CDK15: variants seen among roughly 807,000 people sequenced by gnomAD.
The protein encoded by CDK15 is cyclin dependent kinase 15, also known as cyclin-dependent kinase 15.
In CDK15, 62 loss-of-function variants were observed where a neutral mutation model predicts 60.3. That is an observed-to-expected ratio of 1.03 (90% CI 0.84 to 1.27). The LOEUF (loss-of-function observed/expected upper bound fraction) is 1.27. Ranked by LOEUF, CDK15 falls within the 50% of genes most tolerant of loss-of-function variation. CDK15 has a pLI of 0.00. For missense variants in CDK15, 541 were observed against 527.8 expected (o/e 1.03, Z -0.25); for synonymous variants, 194 against 195.7 (o/e 0.99, Z 0.07).
chr2:201,838,237 TG>T (rs1697212871), intron 8 of CDK15, among the ~76,000 whole-genome samples: 7 of 151,514 alleles, frequency 4.6e-5, no homozygotes, highest in Admixed American at 4.6e-4. Context: ...AAACATTTTT[TG>T]TTTTCACAGC....
chr2:201,824,219 T>C (rs1208195362), intron 6 of CDK15, among the ~76,000 whole-genome samples: 2 of 152,226 alleles, frequency 1.3e-5, no homozygotes, highest in Non-Finnish European at 2.9e-5. Flanking sequence ...TAATTCTACA[T>C]CTGTTATAAA....
At chr2:201,890,248 C>T (rs528754027) in intron 12 of CDK15, among the ~76,000 whole-genome samples, 2 of 152,278 alleles carry the variant, frequency 1.3e-5, no homozygotes, top group South Asian at 4.1e-4. Flanking sequence ...CTTTATCTCC[C>T]AGTCTGTCTT....
intron 12 of CDK15, among the ~76,000 whole-genome samples, chr2:201,890,061 A>G (rs1182443032): frequency 1.3e-5 from 2 of 151,966 alleles, no homozygotes; most frequent in Non-Finnish European, 2.9e-5. Context: ...AAAAAGAAAA[A>G]AAAAAAAAAA....
rs141913758 is a variant in CDK15 at position 201,887,216 on chromosome 2, A to T, written c.1199-3569A>T. On this transcript the variant is annotated intron_variant, in intron 12 of 13. Transcript: ENST00000652192. ...ATCATTAATAGAATTGTGTGATATT[A>T]TGAAAGTTCTTATGCTGTAACATGA... Among the ~76,000 whole-genome samples the T allele has an allele frequency of 3.0e-4, 45 of 152,366 alleles. 1 individual carries two copies. In the East Asian group the frequency reaches 8.7e-3, roughly 29 times the overall value.
At chr2:201,871,490 A>G (rs112787829) in intron 10 of CDK15, among the ~76,000 whole-genome samples, 6 of 151,804 alleles carry the variant, frequency 4.0e-5, no homozygotes, top group African/African-American at 1.2e-4. Flanking sequence ...TGAGTCTTTA[A>G]GACTGCCTCA....
chr2:201,852,960 G>A (rs1193163368), intron 9 of CDK15, among the ~76,000 whole-genome samples: 4 of 152,126 alleles, frequency 2.6e-5, no homozygotes, highest in Admixed American at 2.6e-4. Context: ...TCACCTTAGA[G>A]AAAACATGAT....
Position 201,894,113 on chromosome 2 carries a change from A to ACACACACC in CDK15, c.*847_*848insACACACCC, listed in dbSNP as rs1491380631. The ACACACACC allele has an allele frequency of 1.2e-4, 16 of 128,656 alleles. No individual in the cohort carries two copies. Among genetic ancestry groups the ACACACACC allele is most frequent in the African/African-American group, 3.3e-4 (12 of 35,864 alleles). The allele number at this position is 128,656 out of a possible 1,614,324, so 8.0% of individuals were successfully genotyped here. ...CACACACACACACACACACACACAC[A>ACACACACC]CCCCTCAAGTAAAATGAGAGATCTG... On this transcript the variant is annotated 3_prime_UTR_variant, in exon 14 of 14. Transcript: ENST00000652192.
chr2:201,847,539 C>G, intron 9 of CDK15, 65 bp downstream of exon 9: 5 of 1,405,858 alleles, frequency 3.6e-6, no homozygotes, highest in Non-Finnish European at 4.0e-6. Context: ...CCAAATTTGC[C>G]TTACAGACAA....
chr2:201,811,530 G>A (rs1695769905), intron 3 of CDK15, among the ~76,000 whole-genome samples: 1 of 152,172 alleles, frequency 6.6e-6, no homozygotes, highest in African/African-American at 2.4e-5. Flanking sequence ...AGGAAAAAAG[G>A]TTACTAACAA....
At chr2:201,867,554 G>A (rs1180302296) in intron 10 of CDK15, among the ~76,000 whole-genome samples, 3 of 150,478 alleles carry the variant, frequency 2.0e-5, no homozygotes, top group South Asian at 4.2e-4. Flanking sequence ...GAGACCGGGA[G>A]GTCAAGGATG....
intron 11 of CDK15, 50 bp from the exon 12 acceptor site, chr2:201,879,978 C>T (rs1345123359): frequency 1.4e-5 from 23 of 1,591,364 alleles, no homozygotes; most frequent in Middle Eastern, 1.7e-4. Flanking sequence ...CTTTGTTTTT[C>T]AGAAGGGAGG....
chr2:201,865,889 C>CAAAAAAAAA (rs1262940691), intron 10 of CDK15, among the ~76,000 whole-genome samples: 15 of 24,820 alleles, frequency 6.0e-4, no homozygotes, highest in African/African-American at 1.8e-3. Context: ...GATTCCATCT[C>CAAAAAAAAA]AACAAAAAAA....
intron 6 of CDK15, among the ~76,000 whole-genome samples, chr2:201,827,750 G>T (rs1464190774): frequency 6.6e-6 from 1 of 152,162 alleles, no homozygotes; most frequent in Non-Finnish European, 1.5e-5. Flanking sequence ...GGAATTACAG[G>T]TGTGAGCCAA....
At chr2:201,838,524 C>G (rs1697226563) in intron 8 of CDK15, among the ~76,000 whole-genome samples, 1 of 151,934 alleles carries the variant, frequency 6.6e-6, no homozygotes. Flanking sequence ...CCTGCCTCAG[C>G]CTCCTGAGTA....
intron 11 of CDK15, chr2:201,876,512 C>G (rs1467488237): frequency 8.5e-7 from 1 of 1,169,970 alleles, no homozygotes; most frequent in African/African-American, 1.6e-5. Flanking sequence ...CCGACACACA[C>G]TTGGCTCCTA....
intron 12 of CDK15, among the ~76,000 whole-genome samples, chr2:201,885,598 C>G (rs1699426331): frequency 6.6e-6 from 1 of 152,174 alleles, no homozygotes; most frequent in Admixed American, 6.5e-5. Flanking sequence ...TATGGGGTTG[C>G]ATAGCATTGT....
intron 8 of CDK15, 58 bp from the exon 9 acceptor site, chr2:201,847,323 C>A: frequency 6.9e-7 from 1 of 1,444,218 alleles, no homozygotes; most frequent in Non-Finnish European, 9.7e-7. Flanking sequence ...TCTAGTAGTT[C>A]AGTTTCGCTT....
At chr2:201,812,450 A>AT in intron 3 of CDK15, 33 bp from the exon 4 acceptor site, 1 of 1,514,394 alleles carries the variant, frequency 6.6e-7, no homozygotes, top group Non-Finnish European at 9.2e-7. Flanking sequence ...AACCACCTCA[A>AT]TAAGTGTGTG....
In CDK15 at chr2:201,873,985, C is replaced by T. The variant is rs549200995; in HGVS notation, c.1058+1659C>T. ...ATGAGAATCGCTTGAACCCGGGAGG[C>T]GGAGGTTGCAGTGAGCTGAGATCGT... On this transcript the variant is annotated intron_variant, in intron 11 of 13. Transcript: ENST00000652192. 2.2e-4 allele frequency among the ~76,000 whole-genome samples: 32 copies of T among 142,586 alleles called. No individual in the cohort carries two copies. In the South Asian group the frequency reaches 3.4e-3, roughly 15 times the overall value. 93.5% of individuals were successfully genotyped at this position (142,586 alleles called of 152,430 possible). A position where few individuals can be genotyped will look rare whatever the true frequency, so the allele number is the denominator to read the frequency against.
Sources: gnomAD v4.1 joint callset for allele counts (sites outside exome capture counted in the v4.1 genomes callset) on GRCh38, gnomAD v4.1.1 for gene constraint, MANE v1.5 for transcripts, NCBI Gene and HGNC (gene_info 2026-07-23, HGNC 2026-07-21) for gene names.